Variants in CDH12 observed in about 807,000 individuals in gnomAD.
CDH12 encodes cadherin 12, also known as cadherin-12.
CDH12 carries 41 observed loss-of-function variants against 74.1 expected under a neutral mutation model. The observed-to-expected ratio is 0.55, with a 90% CI of 0.43 to 0.72. The LOEUF (loss-of-function observed/expected upper bound fraction) is 0.72, where lower values mean the gene tolerates loss of function less well. Among genes scored for constraint, CDH12 ranks in the 30% least tolerant of loss-of-function variants. CDH12 has a pLI of 0.00. For synonymous variants in CDH12, 399 were observed against 355.0 expected (o/e 1.12, Z -1.39); for missense variants, 945 against 977.2 (o/e 0.97, Z 0.44).
intron 2 of CDH12, among the ~76,000 whole-genome samples, chr5:22,418,237 GCT>G (rs1286115769): frequency 6.6e-6 from 1 of 150,552 alleles, no homozygotes; most frequent in Non-Finnish European, 1.5e-5. Flanking sequence ...TCACGATTTG[GCT>G]CTTTGTTTGT....
intron 1 of CDH12, among the ~76,000 whole-genome samples, chr5:22,706,635 G>A (rs1441826988): frequency 1.3e-5 from 2 of 151,912 alleles, no homozygotes; most frequent in Admixed American, 1.3e-4. Flanking sequence ...ATGTATCATA[G>A]TTTAGTTAGC....
At chr5:22,437,886 T>A (rs1363935087) in intron 2 of CDH12, among the ~76,000 whole-genome samples, 1 of 152,108 alleles carries the variant, frequency 6.6e-6, no homozygotes, top group Non-Finnish European at 1.5e-5. Flanking sequence ...TGTTGACATT[T>A]ATCTTTGTTA....
At chr5:22,442,728 A>G (rs545528826) in intron 2 of CDH12, among the ~76,000 whole-genome samples, 19 of 152,252 alleles carry the variant, frequency 1.2e-4, no homozygotes, top group Admixed American at 8.5e-4. Flanking sequence ...GGGTCTTGAG[A>G]ATGGAAAAGA....
intron 1 of CDH12, among the ~76,000 whole-genome samples, chr5:22,571,365 T>G (rs1256524439): frequency 6.6e-6 from 1 of 152,172 alleles, no homozygotes; most frequent in Admixed American, 6.5e-5. Context: ...TCACTCTTGT[T>G]GCTCAGGCTG....
chr5:22,592,788 C>A (rs986154624), intron 1 of CDH12, among the ~76,000 whole-genome samples: 22 of 149,720 alleles, frequency 1.5e-4, no homozygotes, highest in Non-Finnish European at 2.2e-4. Flanking sequence ...CGCGTGTAAT[C>A]CCAGCACTTT....
intron 1 of CDH12, among the ~76,000 whole-genome samples, chr5:22,830,424 C>T (rs1197537311): frequency 2.6e-5 from 4 of 151,660 alleles, no homozygotes; most frequent in South Asian, 2.1e-4. Flanking sequence ...GTGAATGAAC[C>T]CTAATCAGAG....
chr5:21,923,981 T>G (rs1754475061), intron 6 of CDH12, among the ~76,000 whole-genome samples: 1 of 152,126 alleles, frequency 6.6e-6, no homozygotes, highest in Non-Finnish European at 1.5e-5. Context: ...GTGGAGAAAA[T>G]TAAGAGCTGT....
chr5:22,663,652 C>T (rs1285097132), intron 1 of CDH12, among the ~76,000 whole-genome samples: 1 of 152,082 alleles, frequency 6.6e-6, no homozygotes, highest in Non-Finnish European at 1.5e-5. Context: ...TTTTAATAAA[C>T]TTGGCTGATT....
At chr5:22,128,342 T>G (rs888630003) in intron 4 of CDH12, among the ~76,000 whole-genome samples, 2 of 152,108 alleles carry the variant, frequency 1.3e-5, no homozygotes, top group African/African-American at 4.8e-5. Flanking sequence ...CTGGCAAATT[T>G]ACATAGTAGA....
Position 22,151,998 on chromosome 5 carries a change from T to G in CDH12, c.-187+60500A>C, listed in dbSNP as rs549646979. On this transcript the variant is annotated intron_variant, in intron 4 of 14. Coordinates refer to ENST00000382254, the MANE Select transcript of CDH12 (RefSeq NM_004061.5). ...TGCAGTTCCGTTCTCGGGGGAAAGG[T>G]AAGCACATAGCTAACTCCAGCTCCA... is the stretch of plus-strand genomic sequence containing the variant. 2.6e-5 allele frequency: 4 copies of G among 152,172 alleles called. No homozygotes were observed. The South Asian group carries it at 8.3e-4, about 32-fold the overall frequency. The allele number at this position is 152,172 out of a possible 1,614,324, so 9.4% of individuals were successfully genotyped here. A position where few individuals can be genotyped will look rare whatever the true frequency, so the allele number is the denominator to read the frequency against.
At chr5:22,709,877 C>T (rs1432503525) in intron 1 of CDH12, among the ~76,000 whole-genome samples, 2 of 152,168 alleles carry the variant, frequency 1.3e-5, no homozygotes, top group Non-Finnish European at 2.9e-5. Flanking sequence ...GACAGCCACA[C>T]TGGAGTAGAG....
At chr5:22,735,409 G>T (rs1744636764) in intron 1 of CDH12, among the ~76,000 whole-genome samples, 1 of 151,760 alleles carries the variant, frequency 6.6e-6, no homozygotes, top group African/African-American at 2.4e-5. Context: ...GAAGCCTTGG[G>T]AGAAAAATTA....
chr5:22,267,524 T>A (rs1736179494), intron 3 of CDH12, among the ~76,000 whole-genome samples: 1 of 152,138 alleles, frequency 6.6e-6, no homozygotes, highest in South Asian at 2.1e-4. Flanking sequence ...GACTATTAAA[T>A]TGTCTTAAAA....
intron 3 of CDH12, among the ~76,000 whole-genome samples, chr5:22,377,340 TAG>T (rs3039452): frequency 0.011 from 1,719 of 152,298 alleles, 22 homozygotes; most frequent in African/African-American, 0.039. Context: ...AAAAGTTTGG[TAG>T]AGTCACTAGC....
intron 6 of CDH12, among the ~76,000 whole-genome samples, chr5:21,951,767 T>C (rs1165130658): frequency 6.6e-6 from 1 of 152,250 alleles, no homozygotes; most frequent in Non-Finnish European, 1.5e-5. Flanking sequence ...ATCTTCATTA[T>C]GCAAATAAAG....
intron 5 of CDH12, among the ~76,000 whole-genome samples, chr5:22,009,939 C>CAAAAAAAAAAAAAAAAAAAAAAAAAAAAG (rs774589642): frequency 1.8e-5 from 1 of 54,346 alleles, no homozygotes. Flanking sequence ...GAAACTGTCT[C>CAAAAAAAAAAAAAAAAAAAAAAAAAAAAG]AAAAAAAAAA....
At chr5:22,466,248 C>A (rs1317350896) in intron 2 of CDH12, among the ~76,000 whole-genome samples, 2 of 152,264 alleles carry the variant, frequency 1.3e-5, no homozygotes, top group African/African-American at 2.4e-5. Context: ...GAAAATGTTT[C>A]TTTTCTCCTT....
intron 5 of CDH12, among the ~76,000 whole-genome samples, chr5:22,011,423 G>T (rs1239920992): frequency 2.0e-5 from 3 of 152,120 alleles, no homozygotes; most frequent in African/African-American, 7.2e-5. Context: ...AATAATGAGA[G>T]ATATTTTCTT....
intron 3 of CDH12, among the ~76,000 whole-genome samples, chr5:22,299,608 T>C (rs1001728752): frequency 2.6e-5 from 4 of 152,172 alleles, no homozygotes; most frequent in Admixed American, 2.0e-4. Flanking sequence ...AAAGAATCTC[T>C]TTGGTCTTAG....
Sources: gnomAD v4.1 joint callset for allele counts (sites outside exome capture counted in the v4.1 genomes callset) on GRCh38, gnomAD v4.1.1 for gene constraint, MANE v1.5 for transcripts, NCBI Gene and HGNC (gene_info 2026-07-23, HGNC 2026-07-21) for gene names.